The following MAGI2 variants were observed in gnomAD, a reference collection of about 807,000 sequenced individuals.
The protein encoded by MAGI2 is membrane associated guanylate kinase, WW and PDZ domain containing 2.
Under a neutral mutation model 133.3 loss-of-function variants are expected in MAGI2, and 35 were observed. That is an observed-to-expected ratio of 0.26 (90% CI 0.20 to 0.35). The LOEUF (loss-of-function observed/expected upper bound fraction) is 0.35. MAGI2 is among the 10% of genes least tolerant of loss of function. MAGI2 has a pLI of 1.00. For missense variants in MAGI2, 1,636 were observed against 1,863.4 expected (o/e 0.88, Z 2.25); for synonymous variants, 729 against 710.6 (o/e 1.03, Z -0.41).
chr7:78,554,808 C>T (rs1563162084), intron 3 of MAGI2: 1 of 152,090 alleles, frequency 6.6e-6, no homozygotes, highest in African/African-American at 2.4e-5. Context: ...TACATTTTTC[C>T]ACGACTCTCC....
chr7:79,101,902 T>C (rs1164054013), intron 1 of MAGI2, among the ~76,000 whole-genome samples: 3 of 151,800 alleles, frequency 2.0e-5, no homozygotes, highest in African/African-American at 7.3e-5. Context: ...ATTTATATCA[T>C]ACATTTTCAG....
In MAGI2 at chr7:78,195,751, C is replaced by T. The variant is rs1828668921; in HGVS notation, c.2080-688G>A. On this transcript the variant is annotated intron_variant, in intron 11 of 21. Coordinates refer to ENST00000354212, the MANE Select transcript of MAGI2 (RefSeq NM_012301.4). Reference sequence around the variant, plus strand: ...TATCATGTTCTTTCACATACGTGATCTTCTTGGATCCTCACCATAGCACCA... The same window carrying T: ...TATCATGTTCTTTCACATACGTGATTTTCTTGGATCCTCACCATAGCACCA... 2.0e-5 allele frequency among the ~76,000 whole-genome samples: 3 copies of T among 152,280 alleles called. No individual in the cohort carries two copies. In the South Asian group the frequency reaches 6.2e-4, roughly 32 times the overall value.
chr7:78,544,580 A>C (rs1383470832), intron 3 of MAGI2, among the ~76,000 whole-genome samples: 1 of 151,992 alleles, frequency 6.6e-6, no homozygotes, highest in African/African-American at 2.4e-5. Flanking sequence ...ATAAAATAAG[A>C]CTCTTGCTAC....
intron 9 of MAGI2, among the ~76,000 whole-genome samples, chr7:78,295,732 A>C (rs1158476117): frequency 6.6e-6 from 1 of 152,128 alleles, no homozygotes; most frequent in Non-Finnish European, 1.5e-5. Context: ...CTATTATGTC[A>C]GTAGCCCTCC....
At chr7:78,499,002 C>G (rs1158237567) in intron 5 of MAGI2, among the ~76,000 whole-genome samples, 1 of 152,092 alleles carries the variant, frequency 6.6e-6, no homozygotes, top group Admixed American at 6.6e-5. Flanking sequence ...GCTCCTAATA[C>G]TGTCCACCAG....
At chr7:79,051,732 T>C (rs1395631906) in intron 1 of MAGI2, among the ~76,000 whole-genome samples, 2 of 152,192 alleles carry the variant, frequency 1.3e-5, no homozygotes, top group African/African-American at 4.8e-5. Flanking sequence ...ACTGGGGAGC[T>C]TTTAATGTCA....
At chr7:78,995,405 G>A (rs1251054992) in intron 2 of MAGI2, among the ~76,000 whole-genome samples, 2 of 151,980 alleles carry the variant, frequency 1.3e-5, no homozygotes, top group South Asian at 2.1e-4. Context: ...TCTCCCATTA[G>A]ATATATTACA....
chr7:78,304,822 T>C (rs543721202), intron 9 of MAGI2, among the ~76,000 whole-genome samples: 97 of 152,018 alleles, frequency 6.4e-4, no homozygotes, highest in Non-Finnish European at 1.2e-3. Context: ...TCTTAAAGAG[T>C]GAGGAAAGTG....
chr7:78,529,474 A>G (rs1797252585), intron 3 of MAGI2, among the ~76,000 whole-genome samples: 1 of 152,196 alleles, frequency 6.6e-6, no homozygotes, highest in Non-Finnish European at 1.5e-5. Context: ...ATCTGCTTCC[A>G]AAAGAAGGCA....
At chr7:78,622,093 C>T (rs1251630947) in intron 3 of MAGI2, among the ~76,000 whole-genome samples, 1 of 151,968 alleles carries the variant, frequency 6.6e-6, no homozygotes, top group African/African-American at 2.4e-5. Flanking sequence ...ATATCCCTGA[C>T]AATAAATGCA....
At chr7:79,011,552 G>C (rs1041153452) in intron 1 of MAGI2, among the ~76,000 whole-genome samples, 3 of 152,052 alleles carry the variant, frequency 2.0e-5, no homozygotes, top group African/African-American at 7.2e-5. Flanking sequence ...ACTGCTTCTG[G>C]AATGAAAGCG....
chr7:78,539,217 C>T (rs914505122), intron 3 of MAGI2, among the ~76,000 whole-genome samples: 1 of 152,206 alleles, frequency 6.6e-6, no homozygotes, highest in Non-Finnish European at 1.5e-5. Context: ...ATGTTTTAAT[C>T]ATAAAGGGAC....
At chr7:79,433,370 T>C (rs1847911125) in intron 1 of MAGI2, among the ~76,000 whole-genome samples, 1 of 151,898 alleles carries the variant, frequency 6.6e-6, no homozygotes, top group African/African-American at 2.4e-5. Context: ...GCTAACACGG[T>C]GAAACCCCTG....
At chr7:79,406,905 G>T (rs1366126747) in intron 1 of MAGI2, among the ~76,000 whole-genome samples, 1 of 152,038 alleles carries the variant, frequency 6.6e-6, no homozygotes, top group African/African-American at 2.4e-5. Context: ...ACTGAGGTGA[G>T]GATTTATGGG....
At chr7:79,433,486 G>A (rs1360078785) in intron 1 of MAGI2, among the ~76,000 whole-genome samples, 1 of 151,922 alleles carries the variant, frequency 6.6e-6, no homozygotes, top group Non-Finnish European at 1.5e-5. Context: ...CCGGGAGGCG[G>A]AGCTTGCACT....
chr7:78,171,753 T>C (rs1030940964), intron 14 of MAGI2, among the ~76,000 whole-genome samples: 5 of 152,222 alleles, frequency 3.3e-5, no homozygotes, highest in Non-Finnish European at 7.3e-5. Flanking sequence ...CACTGGCCAG[T>C]GAACCTTCCA....
intron 1 of MAGI2, among the ~76,000 whole-genome samples, chr7:79,400,804 T>C (rs1845414872): frequency 6.6e-6 from 1 of 152,110 alleles, no homozygotes; most frequent in African/African-American, 2.4e-5. Context: ...CTACATACTG[T>C]AGTTATATAG....
chr7:78,113,885 T>C (rs192914366), intron 20 of MAGI2, among the ~76,000 whole-genome samples: 3 of 152,338 alleles, frequency 2.0e-5, no homozygotes, highest in Admixed American at 6.5e-5. Context: ...ATTATTCCCA[T>C]TGATTAGATC....
At chr7:79,165,741 A>G (rs1337188740) in intron 1 of MAGI2, among the ~76,000 whole-genome samples, 1 of 152,138 alleles carries the variant, frequency 6.6e-6, no homozygotes, top group East Asian at 1.9e-4. Context: ...ACTAAATTAT[A>G]AACTCATGTC....
Sources: gnomAD v4.1 joint callset for allele counts (sites outside exome capture counted in the v4.1 genomes callset) on GRCh38, gnomAD v4.1.1 for gene constraint, MANE v1.5 for transcripts, NCBI Gene and HGNC (gene_info 2026-07-23, HGNC 2026-07-21) for gene names.